MREG: variants seen among roughly 807,000 people sequenced by gnomAD.
MREG encodes the protein dilute suppressor protein homolog.
A neutral mutation model predicts 28.5 loss-of-function variants in MREG; 31 were observed. The observed-to-expected ratio is 1.09, with a 90% CI of 0.82 to 1.47. MREG has a LOEUF of 1.47. Ranked by LOEUF, MREG falls within the 40% of genes most tolerant of loss-of-function variation. The pLI is 0.00. For synonymous variants in MREG, 106 were observed against 95.2 expected, an observed-to-expected ratio of 1.11 and a Z score of -0.66; for missense variants, 256 against 257.4, an observed-to-expected ratio of 0.99 and a Z score of 0.04.
intron 1 of MREG, among the ~76,000 whole-genome samples, chr2:216,025,019 A>G (rs1694575276): frequency 6.6e-6 from 1 of 152,072 alleles, no homozygotes; most frequent in Admixed American, 6.5e-5. Context: ...AAAGGAAGAA[A>G]GAAAGAAAAT....
chr2:216,018,150 G>A (rs1330722391), upstream of MREG, among the ~76,000 whole-genome samples: 2 of 151,990 alleles, frequency 1.3e-5, no homozygotes, highest in African/African-American at 2.4e-5. Context: ...GCGACAGAAC[G>A]AGACTCCACC....
chr2:216,018,889 A>ACAGGAAATGGACATGTGAC (rs1694483071), intron 1 of MREG, among the ~76,000 whole-genome samples: 1 of 152,210 alleles, frequency 6.6e-6, no homozygotes, highest in African/African-American at 2.4e-5. Flanking sequence ...CTAACCCTCA[A>ACAGGAAATGGACATGTGAC]CAGGAAATGG....
chr2:216,001,316 C>T (rs1018400319), intron 1 of MREG, among the ~76,000 whole-genome samples: 2 of 152,180 alleles, frequency 1.3e-5, no homozygotes, highest in Admixed American at 6.5e-5. Flanking sequence ...CTAGCCCTGC[C>T]CTAATTAGAA....
intron 1 of MREG, among the ~76,000 whole-genome samples, chr2:215,997,241 C>T (rs558371106): frequency 2.0e-5 from 3 of 152,262 alleles, no homozygotes; most frequent in East Asian, 1.9e-4. Flanking sequence ...AATAAACATG[C>T]GTACCCAAAG....
intron 1 of MREG, among the ~76,000 whole-genome samples, chr2:216,011,627 T>C (rs1694313199): frequency 6.6e-6 from 1 of 152,250 alleles, no homozygotes; most frequent in South Asian, 2.1e-4. Flanking sequence ...AGCCCTATGC[T>C]ACTCCGCTCC....
chr2:215,976,291 G>A (rs1429128951), intron 2 of MREG, among the ~76,000 whole-genome samples: 1 of 152,116 alleles, frequency 6.6e-6, no homozygotes, highest in Non-Finnish European at 1.5e-5. Flanking sequence ...CTGGGTATCT[G>A]CCCAGCCTCT....
intron 2 of MREG, among the ~76,000 whole-genome samples, chr2:215,952,178 A>T (rs1409321252): frequency 2.0e-5 from 3 of 152,158 alleles, no homozygotes; most frequent in Non-Finnish European, 2.9e-5. Flanking sequence ...ATCCATAAAC[A>T]CTTAAGTTGT....
rs183463458 is a variant in MREG at position 215,974,553 on chromosome 2, A to G, written c.255+21753T>C. On this transcript the variant is annotated intron_variant, in intron 2 of 4. Coordinates refer to ENST00000263268, the MANE Select transcript of MREG (RefSeq NM_018000.3). ...CCATTTTTACTGTAAGAGGAGCCAGACCAACCAAGGGAAGAGGCAGGGCTA... is the reference window on the plus strand; with the variant it reads ...CCATTTTTACTGTAAGAGGAGCCAGGCCAACCAAGGGAAGAGGCAGGGCTA... 1.3e-3 allele frequency among the ~76,000 whole-genome samples: 193 copies of G among 152,230 alleles called. 1 individual carries two copies. Among genetic ancestry groups the G allele is most frequent in the African/African-American group, 4.6e-3 (189 of 41,516 alleles).
downstream of MREG, chr2:215,939,533 A>G (rs780256680): frequency 3.3e-5 from 5 of 152,204 alleles, no homozygotes; most frequent in Non-Finnish European, 2.9e-5. Context: ...ACACAACAAT[A>G]TTCCAATAAT....
chr2:215,995,433 G>A (rs3770548), intron 2 of MREG, among the ~76,000 whole-genome samples: 11,570 of 151,820 alleles, frequency 0.076, 670 homozygotes, highest in East Asian at 0.29. Context: ...TTTGGGAAAA[G>A]AAAAGTTACC....
At chr2:215,955,537 A>G (rs1692602245) in intron 2 of MREG, among the ~76,000 whole-genome samples, 1 of 152,238 alleles carries the variant, frequency 6.6e-6, no homozygotes, top group East Asian at 1.9e-4. Flanking sequence ...CAGACTAAAA[A>G]TTAGAGTAGT....
At chr2:215,967,180 C>A (rs1312693940) in intron 2 of MREG, among the ~76,000 whole-genome samples, 1 of 152,182 alleles carries the variant, frequency 6.6e-6, no homozygotes, top group Non-Finnish European at 1.5e-5. Flanking sequence ...ACGAAGCTGC[C>A]TTTTGGATCA....
At chr2:215,962,780 A>G (rs568546097) in intron 2 of MREG, among the ~76,000 whole-genome samples, 1 of 150,998 alleles carries the variant, frequency 6.6e-6, no homozygotes, top group Non-Finnish European at 1.5e-5. Context: ...GAGCACCTCA[A>G]CGTAGCTGAT....
intron 2 of MREG, among the ~76,000 whole-genome samples, chr2:215,950,454 G>A (rs1692453673): frequency 6.6e-6 from 1 of 152,150 alleles, no homozygotes; most frequent in East Asian, 1.9e-4. Context: ...TAATCAATAT[G>A]AGATTAAAGA....
At chr2:215,958,000 G>T (rs569228933) in intron 2 of MREG, among the ~76,000 whole-genome samples, 2 of 151,318 alleles carry the variant, frequency 1.3e-5, no homozygotes, top group East Asian at 1.9e-4. Flanking sequence ...GCAAACTATC[G>T]CAAGGACAAA....
chr2:216,030,952 TCTCTCACACACACA>T (rs1376023394), intron 1 of MREG, among the ~76,000 whole-genome samples: 4 of 106,990 alleles, frequency 3.7e-5, no homozygotes, highest in African/African-American at 1.6e-4. Context: ...TCTCTCTCTC[TCTCTCACACACACA>T]CACACACACA....
intron 2 of MREG, among the ~76,000 whole-genome samples, chr2:215,963,940 A>C (rs1419085161): frequency 6.6e-6 from 1 of 152,240 alleles, no homozygotes; most frequent in Non-Finnish European, 1.5e-5. Flanking sequence ...AAACTTTTAT[A>C]TGTGACGGGA....
At chr2:215,985,936 T>C (rs1213680450) in intron 2 of MREG, among the ~76,000 whole-genome samples, 2 of 152,216 alleles carry the variant, frequency 1.3e-5, no homozygotes, top group Non-Finnish European at 2.9e-5. Context: ...AATTAAAATC[T>C]GTACCAATTT....
intron 1 of MREG, among the ~76,000 whole-genome samples, chr2:216,004,411 C>T: frequency 6.6e-6 from 1 of 152,136 alleles, no homozygotes; most frequent in Non-Finnish European, 1.5e-5. Flanking sequence ...ATCTACTTTG[C>T]TCAGTGATGT....
Sources: gnomAD v4.1 joint callset for allele counts (sites outside exome capture counted in the v4.1 genomes callset) on GRCh38, gnomAD v4.1.1 for gene constraint, MANE v1.5 for transcripts, NCBI Gene and HGNC (gene_info 2026-07-23, HGNC 2026-07-21) for gene names.